The following GPC6 variants were observed in gnomAD, a reference collection of about 807,000 sequenced individuals.
The protein encoded by GPC6 is glypican-6.
Under a neutral mutation model 55.2 loss-of-function variants are expected in GPC6, and 14 were observed. That is an observed-to-expected ratio of 0.25 (90% CI 0.17 to 0.40). GPC6 has a LOEUF of 0.40. GPC6 is among the 10% of genes least tolerant of loss of function. The pLI is 1.00. For missense variants in GPC6, 641 were observed against 708.5 expected (o/e 0.90, Z 1.08); for synonymous variants, 278 against 259.6 (o/e 1.07, Z -0.68).
At chr13:93,421,236 G>T (rs551289641) in intron 1 of GPC6, among the ~76,000 whole-genome samples, 1 of 152,228 alleles carries the variant, frequency 6.6e-6, no homozygotes, top group South Asian at 2.1e-4. Context: ...TTATGGTGCT[G>T]TGTCAACTAT....
At chr13:93,830,629 A>C (rs1454493279) in intron 3 of GPC6, 84 bp downstream of exon 3, 22 of 1,233,692 alleles carry the variant, frequency 1.8e-5, no homozygotes, top group Non-Finnish European at 2.2e-5. Context: ...AAAAAAAAAA[A>C]AAAAAAAAAC....
At chr13:94,127,278 G>A (rs897991745) in intron 4 of GPC6, among the ~76,000 whole-genome samples, 6 of 152,106 alleles carry the variant, frequency 3.9e-5, no homozygotes, top group East Asian at 3.9e-4. Context: ...TGCTGGAGGT[G>A]GGGCTTGTTG....
chr13:93,955,145 G>C (rs59612615), intron 3 of GPC6, among the ~76,000 whole-genome samples: 1 of 151,396 alleles, frequency 6.6e-6, no homozygotes, highest in Non-Finnish European at 1.5e-5. Context: ...TCCTTTTATC[G>C]TATTTTTTGT....
intron 1 of GPC6, among the ~76,000 whole-genome samples, chr13:93,250,833 G>T (rs866615479): frequency 2.0e-4 from 31 of 152,174 alleles, no homozygotes; most frequent in African/African-American, 6.5e-4. Flanking sequence ...GTATTAGTTT[G>T]TTTTCACACT....
rs537767428 is a variant in GPC6, at chr13:94,031,177, C to T, written c.877+3283C>T. ...ATTTAGGATGCATTTTCAAAGTCCT[C>T]CTCCAGGAAGTTTAACTCAGTTCCC... On this transcript the variant is annotated intron_variant, in intron 4 of 8. Coordinates refer to ENST00000377047, the MANE Select transcript of GPC6 (RefSeq NM_005708.5). Among the ~76,000 whole-genome samples the T allele has an allele frequency of 4.6e-5, 7 of 152,094 alleles. No individual in the cohort carries two copies. The South Asian group carries it at 1.5e-3, about 32-fold the overall frequency.
At chr13:94,110,880 T>C (rs1410819424) in intron 4 of GPC6, among the ~76,000 whole-genome samples, 1 of 152,184 alleles carries the variant, frequency 6.6e-6, no homozygotes, top group African/African-American at 2.4e-5. Flanking sequence ...TATTTATTTT[T>C]ACCATGGAAT....
At chr13:93,792,566 C>T (rs959973862) in intron 2 of GPC6, among the ~76,000 whole-genome samples, 9 of 152,208 alleles carry the variant, frequency 5.9e-5, no homozygotes, top group African/African-American at 1.9e-4. Flanking sequence ...ACACCTCAGC[C>T]TCCCAAAGTG....
intron 6 of GPC6, among the ~76,000 whole-genome samples, chr13:94,334,875 A>T (rs1877601671): frequency 6.6e-6 from 1 of 152,206 alleles, no homozygotes; most frequent in Non-Finnish European, 1.5e-5. Context: ...CTATAAAAAG[A>T]GTAATATTAA....
intron 1 of GPC6, among the ~76,000 whole-genome samples, chr13:93,539,554 A>C (rs1479454228): frequency 6.6e-6 from 1 of 152,204 alleles, no homozygotes; most frequent in Non-Finnish European, 1.5e-5. Flanking sequence ...GTCAGAAAGC[A>C]GAGTTAATTC....
intron 2 of GPC6, among the ~76,000 whole-genome samples, chr13:93,761,507 TTTTTAG>T (rs1425852188): frequency 6.6e-6 from 1 of 152,164 alleles, no homozygotes; most frequent in Non-Finnish European, 1.5e-5. Flanking sequence ...TAAGCTTTGC[TTTTTAG>T]TTTTAAAATT....
At chr13:93,330,263 A>G (rs1879798981) in intron 1 of GPC6, among the ~76,000 whole-genome samples, 2 of 152,172 alleles carry the variant, frequency 1.3e-5, no homozygotes, top group Admixed American at 6.5e-5. Flanking sequence ...AGTGGCTCAT[A>G]CTTGTAATGC....
At chr13:93,326,309 G>T (rs1251819026) in intron 1 of GPC6, among the ~76,000 whole-genome samples, 1 of 152,184 alleles carries the variant, frequency 6.6e-6, no homozygotes, top group Non-Finnish European at 1.5e-5. Context: ...CATGCAATAG[G>T]TCTGGGTGGG....
chr13:93,563,463 T>G (rs1875916496), intron 2 of GPC6, among the ~76,000 whole-genome samples: 2 of 150,710 alleles, frequency 1.3e-5, no homozygotes, highest in Admixed American at 1.3e-4. Flanking sequence ...AAATGACCCT[T>G]GGGGAGGGGG....
At chr13:93,604,303 T>C (rs1474194081) in intron 2 of GPC6, among the ~76,000 whole-genome samples, 1 of 152,222 alleles carries the variant, frequency 6.6e-6, no homozygotes, top group Admixed American at 6.5e-5. Context: ...ATTTATTCAC[T>C]CATTCGACAG....
intron 4 of GPC6, among the ~76,000 whole-genome samples, chr13:94,120,898 C>T (rs1265245371): frequency 3.3e-5 from 5 of 151,998 alleles, no homozygotes; most frequent in South Asian, 2.1e-4. Flanking sequence ...TCCCAACAGC[C>T]GGCAAAGACA....
intron 4 of GPC6, among the ~76,000 whole-genome samples, chr13:94,165,005 A>T (rs1159666989): frequency 6.6e-6 from 1 of 151,950 alleles, no homozygotes; most frequent in Non-Finnish European, 1.5e-5. Flanking sequence ...TTAAAGAACT[A>T]AAAGTAGAAC....
chr13:94,027,312 A>G (rs976376961), intron 3 of GPC6, among the ~76,000 whole-genome samples: 1 of 152,188 alleles, frequency 6.6e-6, no homozygotes, highest in African/African-American at 2.4e-5. Flanking sequence ...AAGAAACGTT[A>G]TGTACAAAGG....
chr13:93,223,019 C>CTTTTTTTTTTTTTTT (rs3073915), upstream of GPC6, among the ~76,000 whole-genome samples: 3 of 100,814 alleles, frequency 3.0e-5, no homozygotes, highest in African/African-American at 3.8e-5. Context: ...AGGGAAAACA[C>CTTTTTTTTTTTTTTT]TTTTTTTTTT....
At chr13:93,527,272 A>T (rs144064626) in intron 1 of GPC6, among the ~76,000 whole-genome samples, 1 of 152,226 alleles carries the variant, frequency 6.6e-6, no homozygotes, top group Non-Finnish European at 1.5e-5. Flanking sequence ...TGTATACAGT[A>T]TAATATTATT....
Sources: gnomAD v4.1 joint callset for allele counts (sites outside exome capture counted in the v4.1 genomes callset) on GRCh38, gnomAD v4.1.1 for gene constraint, MANE v1.5 for transcripts, NCBI Gene and HGNC (gene_info 2026-07-23, HGNC 2026-07-21) for gene names.